Variants in TRMT11 observed in about 807,000 individuals in gnomAD.
The protein encoded by TRMT11 is tRNA methyltransferase 11.
In TRMT11, 53 loss-of-function variants were observed where a neutral mutation model predicts 62.8. The observed-to-expected ratio is 0.84, with a 90% confidence interval of 0.68 to 1.06. The LOEUF (loss-of-function observed/expected upper bound fraction) is 1.06, where lower values mean the gene tolerates loss of function less well. TRMT11 is among the 50% of genes least tolerant of loss of function. The pLI, the probability that TRMT11 is intolerant of heterozygous loss-of-function variation, is 0.00. For missense variants in TRMT11, 556 were observed against 553.4 expected, an observed-to-expected ratio of 1.00 and a Z score of -0.05; for synonymous variants, 188 against 190.3, an observed-to-expected ratio of 0.99 and a Z score of 0.10.
intron 17 of TRMT11, among the ~76,000 whole-genome samples, chr6:126,101,972 T>C (rs1190347940): frequency 6.6e-6 from 1 of 152,182 alleles, no homozygotes; most frequent in Non-Finnish European, 1.5e-5. Flanking sequence ...AGGAAGACTG[T>C]AAATACCATC....
At chr6:126,263,592 C>T in the TRMT11 span, among the ~76,000 whole-genome samples, 6 of 152,170 alleles carry the variant, frequency 3.9e-5, no homozygotes, top group African/African-American at 1.4e-4. Flanking sequence ...TAATATTGGA[C>T]AAAACTTAGA....
intron 3 of TRMT11, among the ~76,000 whole-genome samples, chr6:126,201,128 T>G (rs771582602): frequency 6.6e-6 from 1 of 152,236 alleles, no homozygotes; most frequent in Non-Finnish European, 1.5e-5. Context: ...ATATGTTTAT[T>G]GATTCAGTCT....
At chr6:126,205,800 A>T (rs1415656743), downstream of TRMT11, among the ~76,000 whole-genome samples, 4 of 151,960 alleles carry the variant, frequency 2.6e-5, no homozygotes. Flanking sequence ...TATAGAGAAC[A>T]TCTAGCAGCT....
downstream of TRMT11, among the ~76,000 whole-genome samples, chr6:126,207,996 A>G (rs1778805778): frequency 6.6e-6 from 1 of 152,236 alleles, no homozygotes; most frequent in East Asian, 1.9e-4. Context: ...GACTAATTTT[A>G]ATAGAAACAA....
the TRMT11 span, among the ~76,000 whole-genome samples, chr6:126,216,257 A>G: frequency 3.3e-5 from 5 of 152,068 alleles, no homozygotes; most frequent in Admixed American, 1.3e-4. Flanking sequence ...TTCACTGGGC[A>G]TATTACTCTA....
the TRMT11 span, among the ~76,000 whole-genome samples, chr6:126,254,670 A>G: frequency 1.3e-5 from 2 of 152,064 alleles, no homozygotes; most frequent in African/African-American, 2.4e-5. Context: ...CCTCATCGCT[A>G]TGTTTTATTT....
chr6:125,992,203 G>T (rs865939571), intron 1 of TRMT11, among the ~76,000 whole-genome samples: 1 of 152,096 alleles, frequency 6.6e-6, no homozygotes, highest in Non-Finnish European at 1.5e-5. Context: ...CTTAAGCTTT[G>T]GGTAGTAGAG....
intron 1 of TRMT11, among the ~76,000 whole-genome samples, chr6:126,181,637 C>T (rs1390174401): frequency 6.6e-6 from 1 of 152,098 alleles, no homozygotes; most frequent in Non-Finnish European, 1.5e-5. Context: ...AAAAGGGCAC[C>T]ATTGTTCCAG....
At chr6:126,154,915 T>C (rs1778099787) in intron 21 of TRMT11, among the ~76,000 whole-genome samples, 1 of 152,222 alleles carries the variant, frequency 6.6e-6, no homozygotes, top group Non-Finnish European at 1.5e-5. Context: ...GTTGATGGAC[T>C]GTTTTAGACC....
chr6:126,174,890 A>G (rs1778367995), upstream of TRMT11, among the ~76,000 whole-genome samples: 1 of 152,204 alleles, frequency 6.6e-6, no homozygotes, highest in Admixed American at 6.5e-5. Context: ...AAAAGAGAAA[A>G]TGACAGAAAT....
intron 17 of TRMT11, among the ~76,000 whole-genome samples, chr6:126,081,814 T>C (rs1227681778): frequency 6.6e-6 from 1 of 152,160 alleles, no homozygotes; most frequent in African/African-American, 2.4e-5. Flanking sequence ...GGGCCTTATG[T>C]TCCAGCAGAT....
intron 8 of TRMT11, among the ~76,000 whole-genome samples, chr6:126,009,098 T>C (rs924005443): frequency 2.0e-4 from 30 of 151,828 alleles, no homozygotes; most frequent in African/African-American, 6.8e-4. Flanking sequence ...TTATAACTAA[T>C]TAATAAATAT....
rs752465721 is a variant in TRMT11, at chr6:126,139,405, A to C, written c.*1823+23550A>C. Among the ~76,000 whole-genome samples, 3 of 152,102 alleles carry C rather than the reference A, an allele frequency of 2.0e-5. No homozygotes were observed. The South Asian group carries it at 6.2e-4, about 31-fold the overall frequency. On this transcript the variant is annotated intron_variant and NMD_transcript_variant, in intron 21 of 22. Transcript: ENST00000648977. ...TTTTTTCAAGACTGAGTCTTGCTCT[A>C]TTGCCCAGGTGGGAGTGCAGTGGTG... is the stretch of plus-strand genomic sequence containing the variant.
In TRMT11 at chr6:126,182,174, A is replaced by G. The variant is rs567442892; in HGVS notation, n.143+4839A>G. 2.6e-5 allele frequency among the ~76,000 whole-genome samples: 4 copies of G among 152,288 alleles called. No individual in the cohort carries two copies. In the South Asian group the frequency reaches 8.3e-4, roughly 32 times the overall value. ...CACAGGTGCATCAAAGCAGAATGGG[A>G]TTGAGAACCTTTCTACAAAAAGGAT... On this transcript the variant is annotated intron_variant and non_coding_transcript_variant, in intron 1 of 3. Transcript: ENST00000444229.
chr6:126,248,115 G>C, the TRMT11 span, among the ~76,000 whole-genome samples: 1 of 152,008 alleles, frequency 6.6e-6, no homozygotes, highest in Admixed American at 6.6e-5. Flanking sequence ...TCTAAAGCAA[G>C]AGTTCAGGTA....
intron 12 of TRMT11, among the ~76,000 whole-genome samples, chr6:126,032,302 C>T (rs995190350): frequency 6.6e-5 from 10 of 152,124 alleles, no homozygotes; most frequent in African/African-American, 2.2e-4. Flanking sequence ...TGGCTTTCTG[C>T]GGAATTTAGA....
At chr6:126,250,183 G>A in the TRMT11 span, among the ~76,000 whole-genome samples, 71 of 152,282 alleles carry the variant, frequency 4.7e-4, no homozygotes, top group African/African-American at 1.6e-3. Flanking sequence ...GCTGCAGTGA[G>A]GCTAAATCAG....
intron 21 of TRMT11, among the ~76,000 whole-genome samples, chr6:126,154,952 C>G (rs895610204): frequency 2.0e-5 from 3 of 152,176 alleles, no homozygotes; most frequent in African/African-American, 7.2e-5. Context: ...TTGCATCACC[C>G]ATGACAGTCC....
At chr6:126,271,761 G>T in the TRMT11 span, among the ~76,000 whole-genome samples, 2,196 of 152,196 alleles carry the variant, frequency 0.014, 51 homozygotes, top group African/African-American at 0.047. Flanking sequence ...CTATAGGAAG[G>T]TCATAATTTT....
Sources: allele counts gnomAD v4.1 joint callset (sites outside exome capture counted in the v4.1 genomes callset), GRCh38; gene constraint gnomAD v4.1.1; transcripts MANE v1.5; gene names NCBI Gene and HGNC (gene_info 2026-07-23, HGNC 2026-07-21).